Variants in LAPTM4B observed in about 807,000 individuals in gnomAD.
LAPTM4B encodes lysosomal protein transmembrane 4 beta, also known as lysosomal-associated transmembrane protein 4B.
LAPTM4B carries 26 observed loss-of-function variants against 28.5 expected under a neutral mutation model. That is an observed-to-expected ratio of 0.91 (90% CI 0.67 to 1.27). The LOEUF is 1.27. LAPTM4B is among the 50% of genes most tolerant of loss of function. The pLI is 0.00. For synonymous variants in LAPTM4B, 109 were observed against 106.4 expected (o/e 1.02, Z -0.15); for missense variants, 288 against 285.8 (o/e 1.01, Z -0.06).
At chr8:97,843,889 C>T (rs980328261) in intron 6 of LAPTM4B, among the ~76,000 whole-genome samples, 2 of 151,986 alleles carry the variant, frequency 1.3e-5, no homozygotes, top group African/African-American at 4.8e-5. Context: ...AGAATGTTAC[C>T]TGCTGTCATT....
chr8:97,837,917 A>G (rs1266032355), intron 6 of LAPTM4B, among the ~76,000 whole-genome samples: 1 of 152,216 alleles, frequency 6.6e-6, no homozygotes, highest in Non-Finnish European at 1.5e-5. Flanking sequence ...TTCCCTTATA[A>G]TTTAGTAATT....
chr8:97,800,658 G>A (rs542695136), intron 1 of LAPTM4B, among the ~76,000 whole-genome samples: 6 of 151,368 alleles, frequency 4.0e-5, no homozygotes, highest in African/African-American at 1.5e-4. Context: ...CACCATGCCC[G>A]GCTAATTTTG....
At chr8:97,809,685 G>C (rs1816799228) in intron 2 of LAPTM4B, among the ~76,000 whole-genome samples, 2 of 152,130 alleles carry the variant, frequency 1.3e-5, no homozygotes, top group Admixed American at 1.3e-4. Context: ...GGGTGACAGA[G>C]CCAGACCCTG....
intron 2 of LAPTM4B, among the ~76,000 whole-genome samples, chr8:97,814,562 G>C (rs1816873892): frequency 6.6e-6 from 1 of 151,998 alleles, no homozygotes; most frequent in Admixed American, 6.6e-5. Context: ...AAATAAAATA[G>C]AATGAACCAG....
intron 2 of LAPTM4B, among the ~76,000 whole-genome samples, chr8:97,810,998 T>A (rs988323881): frequency 5.4e-4 from 82 of 152,126 alleles, no homozygotes; most frequent in African/African-American, 2.0e-3. Flanking sequence ...AAAGAAGATA[T>A]CCATAAGAGA....
intron 6 of LAPTM4B, among the ~76,000 whole-genome samples, chr8:97,836,723 A>G (rs1817263985): frequency 6.6e-6 from 1 of 152,082 alleles, no homozygotes; most frequent in Non-Finnish European, 1.5e-5. Flanking sequence ...ATTCCTATTT[A>G]GGGAAAAACA....
At chr8:97,806,452 G>A (rs1032105818) in intron 2 of LAPTM4B, among the ~76,000 whole-genome samples, 2 of 152,164 alleles carry the variant, frequency 1.3e-5, no homozygotes, top group African/African-American at 4.8e-5. Context: ...TTTAGGAGAT[G>A]ACCTGCATCT....
At chr8:97,819,098 A>G (rs775477834) in intron 4 of LAPTM4B, 42 bp from the exon 5 acceptor site, 1 of 1,181,896 alleles carries the variant, frequency 8.5e-7, no homozygotes, top group Non-Finnish European at 1.3e-6. Context: ...ACTGTCTGGA[A>G]TGATTAATGA....
At chr8:97,835,510 C>T (rs780641122) in intron 6 of LAPTM4B, among the ~76,000 whole-genome samples, 70 of 152,176 alleles carry the variant, frequency 4.6e-4, no homozygotes, top group Non-Finnish European at 6.9e-4. Flanking sequence ...TAGAGTCATC[C>T]CGCCCCCAGC....
In LAPTM4B at chr8:97,820,201, A is replaced by C. The variant is rs145488857; in HGVS notation, c.507+963A>C. Among the ~76,000 whole-genome samples, 304 of 152,090 alleles carry C rather than the reference A, an allele frequency of 2.0e-3. 2 individuals carry two copies. The highest frequency in any genetic ancestry group is 7.1e-3 in the African/African-American group (294 of 41,506). On this transcript the variant is annotated intron_variant, in intron 5 of 6. Transcript: ENST00000521545. The stretch of plus-strand genomic sequence containing the variant: ...TCATCTTGGTCAATCTGTTTATAAA[A>C]CCATCATTATAACTTGTGCTTATGA...
intron 6 of LAPTM4B, among the ~76,000 whole-genome samples, chr8:97,828,675 G>A (rs1586340040): frequency 6.6e-6 from 1 of 152,222 alleles, no homozygotes; most frequent in African/African-American, 2.4e-5. Flanking sequence ...GCAGATTGAG[G>A]CCTCAGCGAT....
intron 6 of LAPTM4B, among the ~76,000 whole-genome samples, chr8:97,850,490 T>TGTGTATGTGTGTGTGTGTGTG (rs1452673289): frequency 3.0e-5 from 1 of 33,038 alleles, no homozygotes. Flanking sequence ...GTGTGTGTGT[T>TGTGTATGTGTGTGTGTGTGTG]TGGGAGAGTG....
intron 1 of LAPTM4B, among the ~76,000 whole-genome samples, chr8:97,804,180 G>A (rs67456134): frequency 6.6e-6 from 1 of 151,886 alleles, no homozygotes; most frequent in Non-Finnish European, 1.5e-5. Flanking sequence ...AGGAGTTTGA[G>A]GCCAGCCTGG....
rs1449796246 is a variant in LAPTM4B at position 97,845,896 on chromosome 8, CCCCTCCCCTTCCCTT to C, written c.604-5499_604-5485del. On this transcript the variant is annotated intron_variant, in intron 6 of 6. Coordinates refer to ENST00000521545, the MANE Select transcript of LAPTM4B (RefSeq NM_018407.6). The stretch of plus-strand genomic sequence containing the variant: ...CCCCTCCCCTCCCCTCCCCTCCCCT[CCCCTCCCCTTCCCTT>C]CGACAGGGTCTTGCTCTGTCACCCA... 2.2e-4 allele frequency among the ~76,000 whole-genome samples: 23 copies of C among 104,860 alleles called. 3 individuals are homozygous for C. The highest frequency in any genetic ancestry group is 3.1e-4 in the African/African-American group (9 of 29,182). 68.8% of individuals were successfully genotyped at this position (104,860 alleles called of 152,430 possible). A position where few individuals can be genotyped will look rare whatever the true frequency, so the allele number is the denominator to read the frequency against.
At chr8:97,849,809 C>A (rs1327455113) in intron 6 of LAPTM4B, among the ~76,000 whole-genome samples, 1 of 152,028 alleles carries the variant, frequency 6.6e-6, no homozygotes, top group Non-Finnish European at 1.5e-5. Flanking sequence ...CTCCTCCACC[C>A]CCCTGCCCGC....
rs71271147 is a variant in LAPTM4B at position 97,781,278 on chromosome 8, C to CTTTTTTTTTTTTTTTTTTTTTT, written c.99+5191_99+5192insTTTTTTTTTTTTTTTTTTTTTT. 7.9e-5 allele frequency among the ~76,000 whole-genome samples: 4 copies of CTTTTTTTTTTTTTTTTTTTTTT among 50,840 alleles called. 1 individual carries two copies. Among genetic ancestry groups the CTTTTTTTTTTTTTTTTTTTTTT allele is most frequent in the African/African-American group, 4.4e-4 (4 of 9,048 alleles). 33.4% of individuals were successfully genotyped at this position (50,840 alleles called of 152,430 possible). Reference sequence around the variant, plus strand: ...ACAGGCGTGAGCCACTGTGCCCGGCCTTTTTTTTTTTTTTTTTTTTTGAGG... The same window carrying CTTTTTTTTTTTTTTTTTTTTTT: ...ACAGGCGTGAGCCACTGTGCCCGGCCTTTTTTTTTTTTTTTTTTTTTTTTTTTTTTTTTTTTTTTTTTTGAGG... On this transcript the variant is annotated intron_variant, in intron 1 of 6. Coordinates refer to ENST00000521545, the MANE Select transcript of LAPTM4B (RefSeq NM_018407.6).
At chr8:97,846,666 C>T (rs1817438634) in intron 6 of LAPTM4B, among the ~76,000 whole-genome samples, 1 of 152,168 alleles carries the variant, frequency 6.6e-6, no homozygotes, top group Admixed American at 6.5e-5. Context: ...GTTCTTCCCT[C>T]CTGAGCATTT....
intron 6 of LAPTM4B, among the ~76,000 whole-genome samples, chr8:97,836,768 A>G (rs1817265279): frequency 6.6e-6 from 1 of 152,108 alleles, no homozygotes; most frequent in African/African-American, 2.4e-5. Flanking sequence ...TTATTATGCC[A>G]TGTCATATTG....
intron 6 of LAPTM4B, among the ~76,000 whole-genome samples, chr8:97,846,359 G>C (rs547392528): frequency 7.3e-6 from 1 of 137,030 alleles, no homozygotes; most frequent in Non-Finnish European, 1.5e-5. Context: ...ATGGAGTTTC[G>C]CTCTTGTTGC....
Sources: allele counts gnomAD v4.1 joint callset (sites outside exome capture counted in the v4.1 genomes callset), GRCh38; gene constraint gnomAD v4.1.1; transcripts MANE v1.5; gene names NCBI Gene and HGNC (gene_info 2026-07-23, HGNC 2026-07-21).